The following SP3 variants were observed in gnomAD, a reference collection of about 807,000 sequenced individuals.
The protein encoded by SP3 is transcription factor Sp3.
A neutral mutation model predicts 70.3 loss-of-function variants in SP3; 10 were observed. The observed-to-expected ratio is 0.14, with a 90% CI of 0.09 to 0.24. The LOEUF is 0.24. SP3 is among the 10% of genes least tolerant of loss of function. The probability of loss-of-function intolerance (pLI) is 1.00; values close to 1 mark genes in which losing one functional copy is unlikely to be tolerated. For missense variants in SP3, 825 were observed against 914.6 expected (o/e 0.90, Z 1.26); for synonymous variants, 402 against 333.5 (o/e 1.21, Z -2.24).
At chr2:173,950,741 A>C (rs1173809581) in intron 4 of SP3, among the ~76,000 whole-genome samples, 2 of 152,124 alleles carry the variant, frequency 1.3e-5, no homozygotes. Context: ...TACACGTAAC[A>C]CTGAAACAAA....
intron 4 of SP3, among the ~76,000 whole-genome samples, chr2:173,940,159 C>A (rs1690327882): frequency 6.6e-6 from 1 of 152,084 alleles, no homozygotes; most frequent in African/African-American, 2.4e-5. Context: ...ATTATGCCAC[C>A]ACACTCAGCC....
At chr2:173,922,511 C>T (rs927413202) in intron 4 of SP3, among the ~76,000 whole-genome samples, 2 of 151,762 alleles carry the variant, frequency 1.3e-5, no homozygotes, top group African/African-American at 4.8e-5. Context: ...CCAATATCAG[C>T]ATATACATTA....
chr2:173,937,959 G>A (rs6743907), intron 4 of SP3, among the ~76,000 whole-genome samples: 11,983 of 152,176 alleles, frequency 0.079, 596 homozygotes, highest in African/African-American at 0.13. Context: ...TAAATCTACA[G>A]TGTTAAAAAA....
chr2:173,949,364 A>AG (rs1193195941), intron 4 of SP3, among the ~76,000 whole-genome samples: 2 of 147,396 alleles, frequency 1.4e-5, no homozygotes, highest in African/African-American at 2.6e-5. Flanking sequence ...ACCCTCAAAA[A>AG]GGAAAAAAAA....
chr2:173,916,662 T>C (rs1294599124), intron 5 of SP3: 4 of 152,120 alleles, frequency 2.6e-5, no homozygotes, highest in African/African-American at 7.2e-5. Flanking sequence ...GTAAAATTCA[T>C]TGTTGGCAAA....
At chr2:173,923,188 C>T (rs1336298019) in intron 4 of SP3, among the ~76,000 whole-genome samples, 1 of 151,920 alleles carries the variant, frequency 6.6e-6, no homozygotes, top group East Asian at 1.9e-4. Flanking sequence ...TTTAAGTTTC[C>T]TTTTCATTTG....
In SP3 at chr2:173,933,638, T is replaced by TTATATATATATATATATATATA. The variant is rs60102426; in HGVS notation, c.1640-14875_1640-14854dup. On this transcript the variant is annotated intron_variant, in intron 4 of 6. Coordinates refer to ENST00000310015, the MANE Select transcript of SP3 (RefSeq NM_003111.5). ...ACAAATGACTAACATTTATAAAACT[T>TTATATATATATATATATATATA]TATATATATATATATATATATATAT... is the stretch of plus-strand genomic sequence containing the variant. Among the ~76,000 whole-genome samples the TTATATATATATATATATATATA allele has an allele frequency of 2.1e-3, 180 of 86,500 alleles. 1 individual carries two copies. Among genetic ancestry groups the TTATATATATATATATATATATA allele is most frequent in the Non-Finnish European group, 2.7e-3 (116 of 42,286 alleles). The allele number at this position is 86,500 out of a possible 152,430, so 56.7% of individuals were successfully genotyped here. A position where few individuals can be genotyped will look rare whatever the true frequency, so the allele number is the denominator to read the frequency against.
At chr2:173,915,653 T>C (rs1689602673) in intron 5 of SP3, 1 of 152,040 alleles carries the variant, frequency 6.6e-6, no homozygotes, top group South Asian at 2.1e-4. Flanking sequence ...ACTGAAATGC[T>C]GACAAAGAAA....
At chr2:173,910,377 T>A in intron 6 of SP3, 120 bp from the exon 7 acceptor site, 3 of 707,196 alleles carry the variant, frequency 4.2e-6, no homozygotes, top group Non-Finnish European at 6.9e-6. Context: ...AGGGGTCTAT[T>A]AAAATTGTAT....
At chr2:173,923,691 T>C (rs904571746) in intron 4 of SP3, among the ~76,000 whole-genome samples, 1 of 152,182 alleles carries the variant, frequency 6.6e-6, no homozygotes, top group East Asian at 1.9e-4. Flanking sequence ...GTTGTTCTTA[T>C]CAAAGTCTTT....
chr2:173,956,668 T>C (rs1195799494), intron 3 of SP3, among the ~76,000 whole-genome samples: 1 of 152,200 alleles, frequency 6.6e-6, no homozygotes, highest in African/African-American at 2.4e-5. Flanking sequence ...AATCAAACAA[T>C]GAAATCTACT....
intron 4 of SP3, among the ~76,000 whole-genome samples, chr2:173,947,726 T>C (rs1422122347): frequency 6.6e-6 from 1 of 152,240 alleles, no homozygotes; most frequent in Non-Finnish European, 1.5e-5. Context: ...CAGCTATCTT[T>C]CACAGATTTT....
intron 4 of SP3, among the ~76,000 whole-genome samples, chr2:173,918,992 T>C (rs934374201): frequency 2.0e-5 from 3 of 152,176 alleles, no homozygotes; most frequent in African/African-American, 7.2e-5. Context: ...TAAATGCTTA[T>C]AGTAGAATTA....
In SP3 at chr2:173,955,413, C is replaced by G; in HGVS notation, c.1099G>C (p.Asp367His). The G allele has an allele frequency of 6.2e-7, 1 of 1,614,106 alleles. No homozygotes were observed. Among genetic ancestry groups the G allele is most frequent in the Admixed American group, 1.7e-5 (1 of 59,988 alleles). Residue 367 changes from aspartate to histidine, a missense_variant, in exon 4 of 7, where the codon GAT becomes CAT. Transcript: ENST00000310015. ...TTSSGQVHSSDLQGNYIQSPV... is the reference protein window; with the variant it reads ...TTSSGQVHSSHLQGNYIQSPV... ...GACTGGATATAATTTCCCTGAAGAT[C>G]TGAAGAATGAACCTGCCCACTAGAT...
intron 4 of SP3, among the ~76,000 whole-genome samples, chr2:173,920,712 T>G (rs923820100): frequency 2.1e-4 from 32 of 152,180 alleles, no homozygotes; most frequent in African/African-American, 7.2e-4. Context: ...TGCCTCAGCC[T>G]CCCGAGTAGC....
chr2:173,937,102 A>G (rs1690230766), intron 4 of SP3, among the ~76,000 whole-genome samples: 1 of 152,336 alleles, frequency 6.6e-6, no homozygotes, highest in East Asian at 1.9e-4. Flanking sequence ...ATACTTCTAC[A>G]GACAATACAA....
intron 4 of SP3, among the ~76,000 whole-genome samples, chr2:173,939,517 A>G (rs1574413601): frequency 6.6e-6 from 1 of 152,090 alleles, no homozygotes; most frequent in African/African-American, 2.4e-5. Context: ...TAATCCCAGC[A>G]CTTTGGGAGG....
chr2:173,945,015 C>T (rs1415935866), intron 4 of SP3, among the ~76,000 whole-genome samples: 1 of 152,152 alleles, frequency 6.6e-6, no homozygotes, highest in Non-Finnish European at 1.5e-5. Context: ...ATTAGTTGAG[C>T]TCTCTAAAAT....
chr2:173,943,919 T>C (rs1440346668), intron 4 of SP3, among the ~76,000 whole-genome samples: 4 of 152,210 alleles, frequency 2.6e-5, no homozygotes, highest in Non-Finnish European at 5.9e-5. Flanking sequence ...GTATAGTCTA[T>C]TGTTCACAGG....
Sources: gnomAD v4.1 joint callset for allele counts (sites outside exome capture counted in the v4.1 genomes callset) on GRCh38, gnomAD v4.1.1 for gene constraint, MANE v1.5 for transcripts, NCBI Gene and HGNC (gene_info 2026-07-23, HGNC 2026-07-21) for gene names.